Variants in DPP6 observed in about 807,000 individuals in gnomAD.
The protein encoded by DPP6 is A-type potassium channel modulatory protein DPP6.
DPP6 carries 69 observed loss-of-function variants against 122.6 expected under a neutral mutation model. The ratio of observed to expected loss-of-function variants is 0.56; its 90% CI spans 0.46 to 0.69. The LOEUF (loss-of-function observed/expected upper bound fraction) is 0.69, where lower values mean the gene tolerates loss of function less well. Ranked by LOEUF, DPP6 falls within the 30% of genes least tolerant of loss-of-function variation. The pLI is 0.00. For synonymous variants in DPP6, 418 were observed against 433.1 expected, an observed-to-expected ratio of 0.97 and a Z score of 0.43; for missense variants, 928 against 1,116.9, an observed-to-expected ratio of 0.83 and a Z score of 2.41.
chr7:154,323,761 T>C (rs1315731543), intron 1 of DPP6, among the ~76,000 whole-genome samples: 6 of 152,216 alleles, frequency 3.9e-5, no homozygotes, highest in Non-Finnish European at 2.9e-5. Context: ...AGCCATGCTG[T>C]TTCATAAACT....
At chr7:153,902,103 G>A (rs1010121880) in intron 1 of DPP6, among the ~76,000 whole-genome samples, 3 of 152,180 alleles carry the variant, frequency 2.0e-5, no homozygotes, top group African/African-American at 7.2e-5. Context: ...ATTTGAATAA[G>A]CATTAAACCA....
intron 15 of DPP6, among the ~76,000 whole-genome samples, chr7:154,806,083 G>A (rs971331539): frequency 3.3e-5 from 5 of 152,232 alleles, no homozygotes; most frequent in Admixed American, 6.5e-5. Context: ...GAGCCAGTCC[G>A]TGTAGATGTT....
intron 1 of DPP6, among the ~76,000 whole-genome samples, chr7:153,982,159 T>A (rs1796620276): frequency 6.6e-6 from 1 of 151,986 alleles, no homozygotes; most frequent in South Asian, 2.1e-4. Flanking sequence ...GTTCCATTCT[T>A]CCTGTCACTT....
chr7:154,661,930 T>C (rs1411247679), intron 6 of DPP6, among the ~76,000 whole-genome samples: 1 of 151,324 alleles, frequency 6.6e-6, no homozygotes, highest in Non-Finnish European at 1.5e-5. Flanking sequence ...TGAATCACCA[T>C]GGCGTATTGG....
At chr7:154,772,248 C>T (rs1364056621) in intron 9 of DPP6, among the ~76,000 whole-genome samples, 2 of 152,166 alleles carry the variant, frequency 1.3e-5, no homozygotes, top group African/African-American at 2.4e-5. Context: ...CCTGACATGC[C>T]CTGTCGTGGG....
At chr7:154,416,143 AT>A (rs1453560767) in intron 1 of DPP6, among the ~76,000 whole-genome samples, 1 of 152,150 alleles carries the variant, frequency 6.6e-6, no homozygotes, top group Non-Finnish European at 1.5e-5. Context: ...GTCCTGCTCC[AT>A]CCTGCTCCGT....
the DPP6 span, among the ~76,000 whole-genome samples, chr7:153,841,582 C>G: frequency 6.6e-6 from 1 of 152,130 alleles, no homozygotes; most frequent in Non-Finnish European, 1.5e-5. Flanking sequence ...TTGAGTCAAA[C>G]GAGTTTGCAA....
At chr7:154,782,082 C>T (rs577743808) in intron 10 of DPP6, among the ~76,000 whole-genome samples, 69 of 152,320 alleles carry the variant, frequency 4.5e-4, no homozygotes, top group Admixed American at 7.8e-4. Context: ...CCACGTAATC[C>T]ATGGCAGTCC....
intron 1 of DPP6, among the ~76,000 whole-genome samples, chr7:154,365,266 A>C (rs1429892970): frequency 1.3e-5 from 2 of 152,234 alleles, no homozygotes; most frequent in East Asian, 1.9e-4. Context: ...CACTTCCCCC[A>C]AAAAGAAAAG....
chr7:154,592,358 C>A (rs1832852347), intron 5 of DPP6, among the ~76,000 whole-genome samples: 1 of 152,206 alleles, frequency 6.6e-6, no homozygotes, highest in African/African-American at 2.4e-5. Context: ...GAAATGTCAG[C>A]CTTTTGATTC....
At chr7:154,425,138 C>T (rs2151238089) in intron 1 of DPP6, among the ~76,000 whole-genome samples, 1 of 152,268 alleles carries the variant, frequency 6.6e-6, no homozygotes, top group East Asian at 1.9e-4. Flanking sequence ...TTTCTGCTCT[C>T]TCTGGAAAGG....
intron 1 of DPP6, among the ~76,000 whole-genome samples, chr7:153,904,636 A>G (rs764723): frequency 0.8 from 122,365 of 152,178 alleles, 49,222 homozygotes; most frequent in South Asian, 0.83. Context: ...TATTGATTGA[A>G]CGTCTCATAC....
the DPP6 span, among the ~76,000 whole-genome samples, chr7:153,833,192 T>C: frequency 8.5e-5 from 13 of 152,238 alleles, no homozygotes; most frequent in African/African-American, 2.9e-4. Context: ...TGGAACTGCA[T>C]GCACGCTGCA....
rs764679795 is a variant in DPP6, at chr7:154,600,508, T to C, written c.627+33592T>C. Among the ~76,000 whole-genome samples, 4 of 120,896 alleles carry C rather than the reference T, an allele frequency of 3.3e-5. 2 individuals are homozygous for C. 79.3% of individuals were successfully genotyped at this position (120,896 alleles called of 152,430 possible). On this transcript the variant is annotated intron_variant, in intron 5 of 25. Coordinates refer to ENST00000377770, the MANE Select transcript of DPP6 (RefSeq NM_130797.4). ...GTAGCACTTTTGGGTGATTAATAGG[T>C]GCCAGGCACCATGTCAAAAACTTTC...
intron 10 of DPP6, among the ~76,000 whole-genome samples, chr7:154,779,013 A>ACCACAACCAC (rs1796801665): frequency 8.9e-5 from 1 of 11,244 alleles, no homozygotes; most frequent in South Asian, 2.5e-3. Flanking sequence ...CACCACCAGC[A>ACCACAACCAC]CCCCACCATC....
At chr7:154,445,222 A>C (rs1395446149) in intron 1 of DPP6, among the ~76,000 whole-genome samples, 3 of 152,180 alleles carry the variant, frequency 2.0e-5, no homozygotes, top group Non-Finnish European at 4.4e-5. Flanking sequence ...AGTTATGTGC[A>C]CTATAAGAGT....
the DPP6 span, among the ~76,000 whole-genome samples, chr7:153,803,380 T>C: frequency 6.6e-5 from 10 of 151,372 alleles, no homozygotes; most frequent in South Asian, 4.2e-4. Context: ...CCCCAATCCA[T>C]TGGGGCATCT....
Position 154,837,141 on chromosome 7 carries a change from A to G in DPP6, c.1667-16639A>G, listed in dbSNP as rs568613487. ...CACATGCATGCAGGCACATTCACAC[A>G]TGCATGCACACACATGCACACAAAC... is the stretch of plus-strand genomic sequence containing the variant. On this transcript the variant is annotated intron_variant, in intron 16 of 25. Coordinates refer to ENST00000377770, the MANE Select transcript of DPP6 (RefSeq NM_130797.4). Among the ~76,000 whole-genome samples the G allele has an allele frequency of 1.5e-3, 226 of 151,982 alleles. 2 individuals carry two copies. The highest frequency in any genetic ancestry group is 0.013 in the Admixed American group (192 of 15,272).
At chr7:154,816,445 A>G (rs899236579) in intron 16 of DPP6, among the ~76,000 whole-genome samples, 2 of 152,184 alleles carry the variant, frequency 1.3e-5, no homozygotes, top group African/African-American at 4.8e-5. Flanking sequence ...GTTCAATACT[A>G]TCATTGGTTT....
Sources: gnomAD v4.1 joint callset for allele counts (sites outside exome capture counted in the v4.1 genomes callset) on GRCh38, gnomAD v4.1.1 for gene constraint, MANE v1.5 for transcripts, NCBI Gene and HGNC (gene_info 2026-07-23, HGNC 2026-07-21) for gene names.